Variants in ENDOV observed in about 807,000 individuals in gnomAD.
The protein encoded by ENDOV is endonuclease V.
In ENDOV, 37 loss-of-function variants were observed where a neutral mutation model predicts 39.4. The observed-to-expected ratio is 0.94, with a 90% CI of 0.72 to 1.23. The LOEUF is 1.23. ENDOV is among the 50% of genes most tolerant of loss of function. ENDOV has a pLI of 0.00. For synonymous variants in ENDOV, 186 were observed against 163.4 expected (o/e 1.14, Z -1.05); for missense variants, 441 against 375.7 (o/e 1.17, Z -1.44).
At chr17:80,419,030 G>A (rs563003932) in intron 2 of ENDOV, among the ~76,000 whole-genome samples, 38 of 152,004 alleles carry the variant, frequency 2.5e-4, no homozygotes, top group Non-Finnish European at 4.3e-4. Context: ...AAAATCAGCC[G>A]GGCATGGTGG....
chr17:80,417,466 C>T (rs1378641266), intron 2 of ENDOV: 1 of 152,162 alleles, frequency 6.6e-6, no homozygotes, highest in Non-Finnish European at 1.5e-5. Flanking sequence ...GGTGGCCTAC[C>T]CACAGCAGGA....
chr17:80,422,839 A>G (rs1391034507), intron 4 of ENDOV, among the ~76,000 whole-genome samples: 1 of 152,164 alleles, frequency 6.6e-6, no homozygotes, highest in Non-Finnish European at 1.5e-5. Context: ...AGCTGAGACT[A>G]CAGGTGCCCA....
intron 2 of ENDOV, chr17:80,417,229 A>C (rs2081331710): frequency 6.6e-6 from 1 of 152,232 alleles, no homozygotes; most frequent in Non-Finnish European, 1.5e-5. Flanking sequence ...CCTACAGCCC[A>C]CTGTGAGTCC....
Position 80,415,692 on chromosome 17 carries a change from C to A in ENDOV, c.99C>A (p.Thr33=). 1 of 1,612,040 alleles carries A rather than the reference C, an allele frequency of 6.2e-7. No homozygotes were observed. Among genetic ancestry groups the A allele is most frequent in the Non-Finnish European group, 8.5e-7 (1 of 1,179,182 alleles). Residue 33 remains threonine, a synonymous_variant, in exon 2 of 10, where the codon ACC becomes ACA. Coordinates refer to ENST00000518137, the MANE Select transcript of ENDOV (RefSeq NM_173627.5). ...RLKAHVVDRD[T]EAWQRDPAFS... ...AGGCCCACGTCGTAGACCGGGACACCGAGGCGTGGCAGCGAGACCCCGCCT... is the reference window on the plus strand; with the variant it reads ...AGGCCCACGTCGTAGACCGGGACACAGAGGCGTGGCAGCGAGACCCCGCCT...
chr17:80,427,567 C>G, intron 7 of ENDOV: 1 of 1,069,750 alleles, frequency 9.3e-7, no homozygotes, highest in Non-Finnish European at 1.1e-6. Flanking sequence ...ACCAGGAGCC[C>G]GCAGCTTCTT....
In ENDOV at chr17:80,436,551, T is replaced by C. The variant is rs2083601806; in HGVS notation, c.*408T>C. 2.8e-6 allele frequency: 1 copy of C among 351,510 alleles called. No homozygotes were observed. The highest frequency in any genetic ancestry group is 5.2e-6 in the Non-Finnish European group (1 of 191,714). 21.8% of individuals were successfully genotyped at this position (351,510 alleles called of 1,614,324 possible). A position where few individuals can be genotyped will look rare whatever the true frequency, so the allele number is the denominator to read the frequency against. On this transcript the variant is annotated 3_prime_UTR_variant, in exon 10 of 10. Coordinates refer to ENST00000518137, the MANE Select transcript of ENDOV (RefSeq NM_173627.5). ...AAGATCCTGTGTTCTTCTGTGAATA[T>C]GAGGTGTTACATTGATTGATTTTCA...
In ENDOV at chr17:80,436,608, A is replaced by G. The variant is rs2083604119; in HGVS notation, c.*465A>G. On this transcript the variant is annotated 3_prime_UTR_variant, in exon 10 of 10. Transcript: ENST00000518137. ...GAGCCAGTTTCCATTTGTGGAATAC[A>G]TCTAACTCGGTCATGGTGTATAATC... 1.5e-5 allele frequency: 4 copies of G among 268,008 alleles called. No individual in the cohort carries two copies. The highest frequency in any genetic ancestry group is 2.2e-5 in the African/African-American group (1 of 44,746). 16.6% of individuals were successfully genotyped at this position (268,008 alleles called of 1,614,324 possible).
rs41298712 is a variant in ENDOV, at chr17:80,422,204, A to G, written c.364-2A>G. On this transcript the variant is annotated splice_acceptor_variant, in intron 3 of 9. Coordinates refer to ENST00000518137, the MANE Select transcript of ENDOV (RefSeq NM_173627.5). LOFTEE classifies it high-confidence loss of function. ...ACTGTGACTCTCCCTGTGGCTCCAT[A>G]GGTCCTTCTTGTGGATGGAAACGGG... The G allele has an allele frequency of 0.041, 65,457 of 1,613,438 alleles. 1,739 individuals carry two copies. Among genetic ancestry groups the G allele is most frequent in the East Asian group, 0.14 (6,357 of 44,832 alleles).
At chr17:80,422,359 C>G in intron 4 of ENDOV, 114 bp downstream of exon 4, 1 of 1,273,412 alleles carries the variant, frequency 7.9e-7, no homozygotes, top group South Asian at 1.3e-5. Context: ...CCGCCAGCCC[C>G]CTCCAATGGC....
At chr17:80,435,760 G>A (rs1385581455) in intron 9 of ENDOV, among the ~76,000 whole-genome samples, 5 of 151,158 alleles carry the variant, frequency 3.3e-5, no homozygotes, top group South Asian at 2.1e-4. Flanking sequence ...GACTACAGGC[G>A]CCCGCCACCA....
chr17:80,436,036 C>A, intron 9 of ENDOV, 97 bp from the exon 10 acceptor site: 2 of 1,382,240 alleles, frequency 1.4e-6, no homozygotes, highest in Non-Finnish European at 2.0e-6. Context: ...ATTACAGGCG[C>A]GAGCCACTGC....
At position 80,423,538 on chromosome 17, in the gene ENDOV, A is replaced by C; in HGVS notation, c.422A>C (p.His141Pro). 6.9e-7 allele frequency: 1 copy of C among 1,449,738 alleles called. No homozygotes were observed. Among genetic ancestry groups the C allele is most frequent in the Non-Finnish European group, 9.2e-7 (1 of 1,085,326 alleles). The allele number at this position is 1,449,738 out of a possible 1,614,324, so 89.8% of individuals were successfully genotyped here. A position where few individuals can be genotyped will look rare whatever the true frequency, so the allele number is the denominator to read the frequency against. The change falls in exon 5 of 10, where the codon CAC becomes CCC. Residue 141 changes from histidine to proline, a missense_variant. Coordinates refer to ENST00000518137, the MANE Select transcript of ENDOV (RefSeq NM_173627.5). ...LHHRGFGVAC[H>P]LGVLTDLPCV... ...CTGGCAGGCTTTGGGGTGGCCTGCC[A>C]CCTTGGCGTCCTTACAGACCTGCCG...
intron 8 of ENDOV, 46 bp from the exon 9 acceptor site, chr17:80,429,723 CAGGT>C (rs2083170831): frequency 6.5e-6 from 10 of 1,536,720 alleles, no homozygotes; most frequent in South Asian, 4.9e-5. Context: ...GAGGGGGTGT[CAGGT>C]AGGCGCTAGC....
At chr17:80,427,741 G>A in intron 7 of ENDOV, 1 of 1,289,364 alleles carries the variant, frequency 7.8e-7, no homozygotes, top group South Asian at 1.2e-5. Flanking sequence ...CTCTCTCCCT[G>A]GCTCCGCGCC....
rs1357470274 is a variant in ENDOV, at chr17:80,419,232, C to T, written c.229-2596C>T. 2.0e-5 allele frequency among the ~76,000 whole-genome samples: 3 copies of T among 151,954 alleles called. 1 individual carries two copies. The highest frequency in any genetic ancestry group is 1.3e-4 in the Admixed American group (2 of 15,270). The stretch of plus-strand genomic sequence containing the variant: ...CCCCACTTACTGGGGGAAAAACTCT[C>T]CCAGAGTATAGCATAAGAATCTGCT... On this transcript the variant is annotated intron_variant, in intron 2 of 9. Transcript: ENST00000518137.
chr17:80,422,161 C>T (rs368601351), intron 3 of ENDOV, 45 bp from the exon 4 acceptor site: 48 of 1,611,842 alleles, frequency 3.0e-5, no homozygotes, highest in Middle Eastern at 3.3e-4. Context: ...TCCTGAGGGC[C>T]GAGGGGCAGC....
intron 9 of ENDOV, chr17:80,430,250 G>C: frequency 6.8e-7 from 1 of 1,473,690 alleles, no homozygotes; most frequent in Non-Finnish European, 9.0e-7. Flanking sequence ...TCCCGGAGCC[G>C]ACGAAGGGGA....
rs376747293 is a variant in ENDOV, at chr17:80,436,173, T to G, written c.*30T>G. ...GGTGGTGAGAGCACACGTCCTCGTCTCATTCCTGATCGAACGCGGTGGTGA... is the reference window on the plus strand; with the variant it reads ...GGTGGTGAGAGCACACGTCCTCGTCGCATTCCTGATCGAACGCGGTGGTGA... On this transcript the variant is annotated 3_prime_UTR_variant, in exon 10 of 10. Transcript: ENST00000518137. 5 of 1,595,312 alleles carry G rather than the reference T, an allele frequency of 3.1e-6. No individual in the cohort carries two copies. Among genetic ancestry groups the G allele is most frequent in the Non-Finnish European group, 4.3e-6 (5 of 1,171,868 alleles).
chr17:80,421,869 C>G lies in ENDOV; in HGVS notation c.270C>G (p.Pro90=), dbSNP rs1348910680. Residue 90 remains proline (P), a synonymous_variant, in exon 3 of 10, where the codon CCC becomes CCG. Transcript: ENST00000518137. ...EESRMVSLTA[P]YVSGFLAFRE... Reference sequence around the variant, plus strand: ...GCCGCATGGTCAGCCTCACAGCCCCCTACGTGTCGGGCTTCCTGGCCTTCC... The same window carrying G: ...GCCGCATGGTCAGCCTCACAGCCCCGTACGTGTCGGGCTTCCTGGCCTTCC... The G allele has an allele frequency of 8.1e-6, 13 of 1,605,602 alleles. No homozygotes were observed. The highest frequency in any genetic ancestry group is 2.2e-5 in the South Asian group (2 of 88,902).
Sources: allele counts gnomAD v4.1 joint callset (sites outside exome capture counted in the v4.1 genomes callset), GRCh38; gene constraint gnomAD v4.1.1; transcripts MANE v1.5; gene names NCBI Gene and HGNC (gene_info 2026-07-23, HGNC 2026-07-21).